NOTCH4: variants seen among roughly 807,000 people sequenced by gnomAD.
NOTCH4 encodes notch receptor 4.
A neutral mutation model predicts 189.0 loss-of-function variants in NOTCH4; 138 were observed. The ratio of observed to expected loss-of-function variants is 0.73; its 90% confidence interval spans 0.64 to 0.84. The LOEUF (loss-of-function observed/expected upper bound fraction) is 0.84. Among genes scored for constraint, NOTCH4 ranks in the 40% least tolerant of loss-of-function variants. The probability of loss-of-function intolerance (pLI) is 0.00; values close to 1 mark genes in which losing one functional copy is unlikely to be tolerated. For synonymous variants in NOTCH4, 942 were observed against 1,032.8 expected (o/e 0.91, Z 1.69); for missense variants, 2,286 against 2,605.4 (o/e 0.88, Z 2.67).
chr6:32,208,003 C>CA lies in NOTCH4; in HGVS notation c.2865+2748dup, dbSNP rs9279505. 4.5e-3 allele frequency among the ~76,000 whole-genome samples: 582 copies of CA among 129,804 alleles called. 3 individuals are homozygous for CA. The highest frequency in any genetic ancestry group is 0.023 in the East Asian group (106 of 4,536). The allele number at this position is 129,804 out of a possible 152,430, so 85.2% of individuals were successfully genotyped here. A position where few individuals can be genotyped will look rare whatever the true frequency, so the allele number is the denominator to read the frequency against. ...CAGGCGACGGTGCAAGACTCCTTCT[C>CA]AAAAAAAAAAAAAAAAAAAAATCAT... On this transcript the variant is annotated intron_variant, in intron 18 of 29. Transcript: ENST00000375023.
At chr6:32,207,068 T>C (rs991487967) in intron 18 of NOTCH4, among the ~76,000 whole-genome samples, 1 of 151,756 alleles carries the variant, frequency 6.6e-6, no homozygotes, top group African/African-American at 2.4e-5. Flanking sequence ...TAGCTGGGAT[T>C]ACAGGTGCGC....
chr6:32,212,986 G>A lies in NOTCH4; in HGVS notation c.2439-75C>T. On this transcript the variant is annotated intron_variant, in intron 15 of 29. Transcript: ENST00000375023. This position sits in a 1 kb window ranked among gnomAD's most constrained non-coding sequence, Gnocchi z 4.4. ...GGGAAGGTAGTGTGTGATATTGTCG[G>A]GAGGCAACCACAGGGAGGTGGCAAG... 7.1e-7 allele frequency: 1 copy of A among 1,413,324 alleles called. No individual in the cohort carries two copies. Among genetic ancestry groups the A allele is most frequent in the Non-Finnish European group, 9.9e-7 (1 of 1,014,296 alleles). The allele number at this position is 1,413,324 out of a possible 1,614,324, so 87.5% of individuals were successfully genotyped here.
chr6:32,215,139 G>T, intron 12 of NOTCH4, 87 bp downstream of exon 12: 1 of 1,253,734 alleles, frequency 8.0e-7, no homozygotes, highest in South Asian at 1.6e-5. Flanking sequence ...ATTTCTCACA[G>T]ACCTACATCT....
chr6:32,223,863 T>A lies in NOTCH4; in HGVS notation c.66A>T (p.Arg22Ser). Residue 22 changes from arginine to serine, a missense_variant, in exon 1 of 30, where the codon AGA (arginine) becomes AGT (serine). Physicochemically the swap from Arg to Ser is moderately radical, Grantham distance 110 (BLOSUM62 -1). This residue lies in a region of NOTCH4 where 1,903 missense variants were observed against 2,261.9 expected (regional missense o/e 0.84). Coordinates refer to ENST00000375023, the MANE Select transcript of NOTCH4 (RefSeq NM_004557.4). The part of the protein sequence containing the change: ...LLLLLCVSVV[R>S]PRGLLCGSFP... Reference sequence around the variant, plus strand: ...ACCCACGCCATGCCTCACCTCTGGGTCTGACCACTGAGACACATAGCAGCA... The same window carrying A: ...ACCCACGCCATGCCTCACCTCTGGGACTGACCACTGAGACACATAGCAGCA... The A allele has an allele frequency of 6.2e-7, 1 of 1,605,650 alleles. No homozygotes were observed.
rs1788357446 is a variant in NOTCH4, at chr6:32,201,576, A to G, written c.3756-76T>C. 7.1e-7 allele frequency: 1 copy of G among 1,403,264 alleles called. No homozygotes were observed. The highest frequency in any genetic ancestry group is 9.3e-7 in the Non-Finnish European group (1 of 1,073,300). 86.9% of individuals were successfully genotyped at this position (1,403,264 alleles called of 1,614,324 possible). On this transcript the variant is annotated intron_variant, in intron 21 of 29. Transcript: ENST00000375023. This position sits in a 1 kb window ranked among gnomAD's most constrained non-coding sequence, Gnocchi z 5.5. The stretch of plus-strand genomic sequence containing the variant: ...TTCTTCACCCTAGAAAGAATTCCCC[A>G]TATTTTGTGCCCTCTAGGGCTTTGG...
At chr6:32,204,456 G>A in intron 18 of NOTCH4, 67 bp from the exon 19 acceptor site, 1 of 1,560,190 alleles carries the variant, frequency 6.4e-7, no homozygotes, top group Non-Finnish European at 8.7e-7. Context: ...AAGGGACCCA[G>A]CTCAAGATAG....
intron 18 of NOTCH4, among the ~76,000 whole-genome samples, chr6:32,204,926 G>A (rs753853555): frequency 4.0e-4 from 61 of 152,198 alleles, no homozygotes; most frequent in Admixed American, 2.7e-3. Context: ...TGCACGTAAG[G>A]AAGCTGAGTC....
rs1015983606 is a variant in NOTCH4 at position 32,202,387 on chromosome 6, C to G, written c.3444G>C (p.Glu1148Asp). Residue 1148 changes from glutamate (E) to aspartate (D), a missense_variant, in exon 21 of 30, where the codon GAG (glutamate) becomes GAC (aspartate). Glu to Asp is a conservative substitution (Grantham distance 45). Coordinates refer to ENST00000375023, the MANE Select transcript of NOTCH4 (RefSeq NM_004557.4). This position sits in a 1 kb window ranked among gnomAD's most constrained non-coding sequence, Gnocchi z 5.7. The part of the protein sequence containing the change: ...SPCLYNGSCS[E>D]TTGLGGPGFR... Reference sequence around the variant, plus strand: ...AGCCTGGGCCCCCCAAGCCCGTGGTCTCTGAGCAGCTGCCATTGTATAGGC... The same window carrying G: ...AGCCTGGGCCCCCCAAGCCCGTGGTGTCTGAGCAGCTGCCATTGTATAGGC... The G allele has an allele frequency of 3.1e-6, 5 of 1,612,526 alleles. No homozygotes were observed. Among genetic ancestry groups the G allele is most frequent in the Admixed American group, 1.7e-5 (1 of 59,976 alleles).
rs779957367 is a variant in NOTCH4 at position 32,203,863 on chromosome 6, C to T, written c.3138G>A (p.Glu1046=). ...PGHTGQWCEV[E]IDPCHSQPCF... The stretch of plus-strand genomic sequence containing the variant: ...AGGGTTGGCTGTGGCAGGGGTCTAT[C>T]TCCACCTCACACCACTGGCCTGTAA... The change falls in exon 20 of 30, where the codon GAG becomes GAA. Residue 1046 remains glutamate (E), a synonymous_variant. Transcript: ENST00000375023. 2 of 1,557,386 alleles carry T rather than the reference C, an allele frequency of 1.3e-6. No homozygotes were observed. Among genetic ancestry groups the T allele is most frequent in the Non-Finnish European group, 1.7e-6 (2 of 1,150,246 alleles).
chr6:32,214,254 A>G lies in NOTCH4; in HGVS notation c.2023T>C (p.Ser675Pro), dbSNP rs1789231516. The G allele has an allele frequency of 6.2e-7, 1 of 1,612,468 alleles. No homozygotes were observed. Among genetic ancestry groups the G allele is most frequent in the African/African-American group, 1.3e-5 (1 of 74,728 alleles). The change falls in exon 13 of 30, where the codon TCC becomes CCC. Residue 675 changes from serine to proline, a missense_variant and splice_region_variant. This residue lies in a region of NOTCH4 where 1,903 missense variants were observed against 2,261.9 expected (regional missense o/e 0.84). Transcript: ENST00000375023. ...CTCHHGHCQR[S>P]SCVCDVGWTG... ...CAACCCACGTCACACACACATGAGG[A>G]TCTGGTTGTAAAGAGAAAGGGGAGG... is the stretch of plus-strand genomic sequence containing the variant.
In NOTCH4 at chr6:32,221,252, G is replaced by A. The variant is rs1186482827; in HGVS notation, c.525C>T (p.Tyr175=). 1 of 1,613,094 alleles carries A rather than the reference G, an allele frequency of 6.2e-7. No individual in the cohort carries two copies. Among genetic ancestry groups the A allele is most frequent in the Non-Finnish European group, 8.5e-7 (1 of 1,180,010 alleles). The change falls in exon 4 of 30, where the codon TAC becomes TAT. Residue 175 remains tyrosine (Y), a synonymous_variant. Coordinates refer to ENST00000375023, the MANE Select transcript of NOTCH4 (RefSeq NM_004557.4). This position sits in a 1 kb window ranked among gnomAD's most constrained non-coding sequence, Gnocchi z 4.3. ...GTGGGCAGTGGCACTGGATCTGGGG[G>A]TATGTGGCCAGACACACCCCTCCAT... ...CVNGGVCLAT[Y]PQIQCHCPPG...
At position 32,200,547 on chromosome 6, in the gene NOTCH4, G is replaced by A. The variant is rs145789065; in HGVS notation, c.4315+284C>T. On this transcript the variant is annotated intron_variant, in intron 23 of 29. Coordinates refer to ENST00000375023, the MANE Select transcript of NOTCH4 (RefSeq NM_004557.4). The surrounding 1 kb of genome is among the most constrained non-coding windows in gnomAD (Gnocchi z 5.0). ...TGTACTATGAATTGTCTGATACAAA[G>A]ACTATTAGGTATTCTCAGTCTGGTA... Among the ~76,000 whole-genome samples the A allele has an allele frequency of 1.4e-3, 214 of 152,306 alleles. No individual in the cohort carries two copies. Among genetic ancestry groups the A allele is most frequent in the South Asian group, 3.7e-3 (18 of 4,818 alleles).
Position 32,217,955 on chromosome 6 carries a change from C to G in NOTCH4, c.1624+40G>C. Reference sequence around the variant, plus strand: ...AGCCTGAACTCTGCAGGTTCAGAGGCCTGGGGTCTGAGGGTGGCCAGAGAG... The same window carrying G: ...AGCCTGAACTCTGCAGGTTCAGAGGGCTGGGGTCTGAGGGTGGCCAGAGAG... On this transcript the variant is annotated intron_variant, in intron 9 of 29. Coordinates refer to ENST00000375023, the MANE Select transcript of NOTCH4 (RefSeq NM_004557.4). This position sits in a 1 kb window ranked among gnomAD's most constrained non-coding sequence, Gnocchi z 4.2. 7.4e-7 allele frequency: 1 copy of G among 1,347,194 alleles called. No homozygotes were observed. Among genetic ancestry groups the G allele is most frequent in the Non-Finnish European group, 1.1e-6 (1 of 941,420 alleles). The allele number at this position is 1,347,194 out of a possible 1,614,324, so 83.5% of individuals were successfully genotyped here. A position where few individuals can be genotyped will look rare whatever the true frequency, so the allele number is the denominator to read the frequency against.
At chr6:32,211,043 C>T (rs1268330723) in intron 17 of NOTCH4, 107 bp from the exon 18 acceptor site, 1 of 1,058,824 alleles carries the variant, frequency 9.4e-7, no homozygotes, top group Non-Finnish European at 1.3e-6. Context: ...GGTGGATCAC[C>T]AGGTTAGGAG....
chr6:32,217,132 A>G lies in NOTCH4; in HGVS notation c.1738+21T>C. 6.2e-7 allele frequency: 1 copy of G among 1,612,962 alleles called. No homozygotes were observed. Among genetic ancestry groups the G allele is most frequent in the Non-Finnish European group, 8.5e-7 (1 of 1,179,922 alleles). On this transcript the variant is annotated intron_variant, in intron 10 of 29. Transcript: ENST00000375023. The surrounding 1 kb of genome is among the most constrained non-coding windows in gnomAD (Gnocchi z 4.2). Reference sequence around the variant, plus strand: ...CTGCCTCCTGCTCCCGCTGTCCCCCACAGTGTGTGCCCCAGTTTACCTGGG... The same window carrying G: ...CTGCCTCCTGCTCCCGCTGTCCCCCGCAGTGTGTGCCCCAGTTTACCTGGG...
intron 26 of NOTCH4, among the ~76,000 whole-genome samples, chr6:32,197,978 C>T (rs1291961037): frequency 1.3e-5 from 2 of 152,138 alleles, no homozygotes. Flanking sequence ...CCCGCCACCA[C>T]GCCCGGCTAA....
rs781094695 is a variant in NOTCH4, at chr6:32,221,151, G to A, written c.626C>T (p.Thr209Ile). Residue 209 changes from threonine to isoleucine, a missense_variant, in exon 4 of 30, where the codon ACC becomes ATC. Thr to Ile is a moderately conservative substitution (Grantham distance 89). Around this residue, in one of 2 missense-constraint regions of NOTCH4, gnomAD observed 1,903 missense variants for 2,261.9 expected, o/e 0.84. Transcript: ENST00000375023. This position sits in a 1 kb window ranked among gnomAD's most constrained non-coding sequence, Gnocchi z 4.3. Reference protein sequence around the residue: ...FQDPGPCPKGTSCHNTLGSFQ... With the variant: ...FQDPGPCPKGISCHNTLGSFQ... ...GGAGCCCAGGGTGTTATGGCAGGAGGTGCCTTTGGGGCAGGGTCCTGGGTC... is the reference window on the plus strand; with the variant it reads ...GGAGCCCAGGGTGTTATGGCAGGAGATGCCTTTGGGGCAGGGTCCTGGGTC... The A allele has an allele frequency of 3.1e-6, 5 of 1,613,112 alleles. No individual in the cohort carries two copies. Among genetic ancestry groups the A allele is most frequent in the East Asian group, 2.2e-5 (1 of 44,882 alleles).
At position 32,215,363 on chromosome 6, in the gene NOTCH4, C is replaced by T. The variant is rs745927417; in HGVS notation, c.1884G>A (p.Leu628=). 2.2e-5 allele frequency: 35 copies of T among 1,610,594 alleles called. No homozygotes were observed. The highest frequency in any genetic ancestry group is 2.9e-5 in the Non-Finnish European group (34 of 1,179,246). Reference sequence around the variant, plus strand: ...TGGGCTGGCACAGGTTGGGAGCACACAGGGGAACCTCACAGAGCTGGCCTG... The same window carrying T: ...TGGGCTGGCACAGGTTGGGAGCACATAGGGGAACCTCACAGAGCTGGCCTG... The part of the protein sequence containing the change: ...GFTGQLCEVP[L]CAPNLCQPKQ... Residue 628 remains leucine, a synonymous_variant, in exon 12 of 30, where the codon CTG becomes CTA. Coordinates refer to ENST00000375023, the MANE Select transcript of NOTCH4 (RefSeq NM_004557.4).
Position 32,221,496 on chromosome 6 carries a change from T to C in NOTCH4, c.452-171A>G, listed in dbSNP as rs1217648038. On this transcript the variant is annotated intron_variant, in intron 3 of 29. Coordinates refer to ENST00000375023, the MANE Select transcript of NOTCH4 (RefSeq NM_004557.4). This position sits in a 1 kb window ranked among gnomAD's most constrained non-coding sequence, Gnocchi z 4.3. ...ATCACCCCTGCTCTGAGCGATGTCA[T>C]GGCTTGGGAGGGTTTATCTGGAGTG... Among the ~76,000 whole-genome samples, 1 of 152,236 alleles carries C rather than the reference T, an allele frequency of 6.6e-6. No homozygotes were observed. The highest frequency in any genetic ancestry group is 2.4e-5 in the African/African-American group (1 of 41,462).
Sources: allele counts gnomAD v4.1 joint callset (sites outside exome capture counted in the v4.1 genomes callset), GRCh38; gene constraint gnomAD v4.1.1; regional missense constraint gnomAD v4.1.1; non-coding constraint Gnocchi (gnomAD v3.1); transcripts MANE v1.5; gene names NCBI Gene and HGNC (gene_info 2026-07-23, HGNC 2026-07-21).